GRIN2B: variants seen among roughly 807,000 people sequenced by gnomAD.
The protein encoded by GRIN2B is glutamate ionotropic receptor NMDA type subunit 2B.
Under a neutral mutation model 114.5 loss-of-function variants are expected in GRIN2B, and 5 were observed. That is an observed-to-expected ratio of 0.04 (90% CI 0.02 to 0.09). The LOEUF is 0.09. Ranked by LOEUF, GRIN2B falls within the 10% of genes least tolerant of loss-of-function variation. The pLI is 1.00. For missense variants in GRIN2B, 1,108 were observed against 1,943.5 expected, an observed-to-expected ratio of 0.57 and a Z score of 8.08; for synonymous variants, 787 against 745.1, an observed-to-expected ratio of 1.06 and a Z score of -0.92.
At chr12:13,894,645 T>C (rs1866325549) in intron 2 of GRIN2B, among the ~76,000 whole-genome samples, 1 of 152,184 alleles carries the variant, frequency 6.6e-6, no homozygotes, top group Non-Finnish European at 1.5e-5. Flanking sequence ...GTTATTTTTA[T>C]AATCAGAAAA....
rs999651454 is a variant in GRIN2B at position 13,630,517 on chromosome 12, T to C, written c.1126-13860A>G. ...ACTTGGATGAGCGATAGTCAGTGGG[T>C]CTTGTCTTGTCCTCTTGGAATGTTG... is the stretch of plus-strand genomic sequence containing the variant. On this transcript the variant is annotated intron_variant, in intron 5 of 13. Transcript: ENST00000609686. 2.0e-5 allele frequency among the ~76,000 whole-genome samples: 3 copies of C among 152,232 alleles called. No homozygotes were observed. In the East Asian group the frequency reaches 5.8e-4, roughly 29 times the overall value.
At chr12:13,571,777 G>A (rs751453119) in intron 11 of GRIN2B, 27 bp downstream of exon 11, 1 of 1,611,506 alleles carries the variant, frequency 6.2e-7, no homozygotes, top group East Asian at 2.2e-5. Context: ...ACAGATCAAG[G>A]ACTCTGAGCT....
intron 2 of GRIN2B, among the ~76,000 whole-genome samples, chr12:13,959,734 A>G (rs1208085881): frequency 6.7e-6 from 1 of 149,322 alleles, no homozygotes; most frequent in African/African-American, 2.5e-5. Context: ...GGGAGAAGGG[A>G]GAGGAACAGT....
At chr12:13,739,403 G>GA (rs1291795003) in intron 4 of GRIN2B, among the ~76,000 whole-genome samples, 1 of 81,884 alleles carries the variant, frequency 1.2e-5, no homozygotes, top group African/African-American at 4.3e-5. Context: ...AAAAAAAAAA[G>GA]AAGAAAAGGA....
At chr12:13,786,846 C>A (rs2136660665) in intron 3 of GRIN2B, among the ~76,000 whole-genome samples, 2 of 152,174 alleles carry the variant, frequency 1.3e-5, no homozygotes, top group South Asian at 4.1e-4. Flanking sequence ...GCAGGCTGCG[C>A]TGCAGGTGGG....
intron 2 of GRIN2B, among the ~76,000 whole-genome samples, chr12:13,902,735 C>T (rs1866473236): frequency 1.3e-5 from 2 of 152,066 alleles, no homozygotes; most frequent in African/African-American, 4.8e-5. Flanking sequence ...CACTTGAACC[C>T]GGGAGGCTGA....
intron 4 of GRIN2B, among the ~76,000 whole-genome samples, chr12:13,697,653 CA>C (rs1950273599): frequency 6.6e-6 from 1 of 152,138 alleles, no homozygotes; most frequent in South Asian, 2.1e-4. Context: ...ATATCCCTAC[CA>C]ATGAAATAGA....
intron 5 of GRIN2B, among the ~76,000 whole-genome samples, chr12:13,645,818 G>A (rs1189084841): frequency 6.6e-6 from 1 of 151,940 alleles, no homozygotes; most frequent in Admixed American, 6.6e-5. Context: ...TGATTTCTCT[G>A]ATTCACTCGC....
At position 13,569,814 on chromosome 12, in the gene GRIN2B, C is replaced by A; in HGVS notation, c.2359+16G>T. 6.5e-7 allele frequency: 1 copy of A among 1,548,760 alleles called. No homozygotes were observed. Among genetic ancestry groups the A allele is most frequent in the South Asian group, 1.2e-5 (1 of 84,662 alleles). On this transcript the variant is annotated intron_variant, in intron 12 of 13. Coordinates refer to ENST00000609686, the MANE Select transcript of GRIN2B (RefSeq NM_000834.5). ...CAGTAGAGGACAAATGGGCACTTTCCCTTTCTTGAACTCACCATCTCCAAA... is the reference window on the plus strand; with the variant it reads ...CAGTAGAGGACAAATGGGCACTTTCACTTTCTTGAACTCACCATCTCCAAA...
intron 4 of GRIN2B, among the ~76,000 whole-genome samples, chr12:13,745,898 C>A (rs1215463375): frequency 2.0e-5 from 3 of 152,142 alleles, no homozygotes; most frequent in African/African-American, 7.2e-5. Flanking sequence ...CCTGTCTTTT[C>A]ATTCCTGCTT....
chr12:13,707,356 T>C (rs1357932234), intron 4 of GRIN2B, among the ~76,000 whole-genome samples: 1 of 152,156 alleles, frequency 6.6e-6, no homozygotes, highest in Non-Finnish European at 1.5e-5. Flanking sequence ...GGCCTGTGAC[T>C]CAGGAGAAGA....
chr12:13,801,626 A>C (rs528365172), intron 3 of GRIN2B, among the ~76,000 whole-genome samples: 1 of 152,258 alleles, frequency 6.6e-6, no homozygotes, highest in East Asian at 1.9e-4. Context: ...ACTCCAAAGA[A>C]TTCCTTCCGG....
At chr12:13,717,693 C>T (rs1950469082) in intron 4 of GRIN2B, among the ~76,000 whole-genome samples, 1 of 151,970 alleles carries the variant, frequency 6.6e-6, no homozygotes, top group Non-Finnish European at 1.5e-5. Flanking sequence ...CCCTTCCCCA[C>T]CCCCAGAGAT....
chr12:13,752,195 T>C (rs905696404), intron 4 of GRIN2B, among the ~76,000 whole-genome samples: 3 of 152,220 alleles, frequency 2.0e-5, no homozygotes, highest in African/African-American at 7.2e-5. Context: ...AATATTTTAT[T>C]TATTAAGCTA....
intron 10 of GRIN2B, among the ~76,000 whole-genome samples, chr12:13,605,751 C>T (rs142202706): frequency 6.6e-6 from 1 of 152,234 alleles, no homozygotes; most frequent in African/African-American, 2.4e-5. Flanking sequence ...CTCAGTTATG[C>T]TTAGTTCAAA....
rs544360148 is a variant in GRIN2B, at chr12:13,899,786, C to CT, written c.-18-33561dup. On this transcript the variant is annotated intron_variant, in intron 2 of 13. Coordinates refer to ENST00000609686, the MANE Select transcript of GRIN2B (RefSeq NM_000834.5). ...CTATGAAGACGTAGCTATGGCCATG[C>CT]TTTTTTTAGAGAAATCCACAGATGT... 2.0e-3 allele frequency among the ~76,000 whole-genome samples: 282 copies of CT among 144,336 alleles called. 13 individuals are homozygous for CT. Among genetic ancestry groups the CT allele is most frequent in the African/African-American group, 6.5e-3 (268 of 41,118 alleles). The allele number at this position is 144,336 out of a possible 152,430, so 94.7% of individuals were successfully genotyped here. A position where few individuals can be genotyped will look rare whatever the true frequency, so the allele number is the denominator to read the frequency against.
chr12:13,600,486 GAT>G (rs1452748043), intron 10 of GRIN2B, among the ~76,000 whole-genome samples: 1 of 148,212 alleles, frequency 6.7e-6, no homozygotes, highest in Non-Finnish European at 1.5e-5. Context: ...GGAGGGTAGG[GAT>G]GTGTGTGTGC....
intron 2 of GRIN2B, among the ~76,000 whole-genome samples, chr12:13,914,568 G>A (rs1866679459): frequency 6.6e-6 from 1 of 152,142 alleles, no homozygotes; most frequent in Admixed American, 6.6e-5. Flanking sequence ...TCCCACTAGT[G>A]GGTATACATC....
chr12:13,935,121 G>T (rs1380477084), intron 2 of GRIN2B, among the ~76,000 whole-genome samples: 1 of 152,178 alleles, frequency 6.6e-6, no homozygotes, highest in Non-Finnish European at 1.5e-5. Flanking sequence ...GATGAGAAAA[G>T]TATGTGGAAA....
Sources: gnomAD v4.1 joint callset for allele counts (sites outside exome capture counted in the v4.1 genomes callset) on GRCh38, gnomAD v4.1.1 for gene constraint, MANE v1.5 for transcripts, NCBI Gene and HGNC (gene_info 2026-07-23, HGNC 2026-07-21) for gene names.